ACSF3: variants seen among roughly 807,000 people sequenced by gnomAD.
ACSF3 encodes the protein malonate--CoA ligase ACSF3, mitochondrial.
Under a neutral mutation model 53.2 loss-of-function variants are expected in ACSF3, and 78 were observed. The ratio of observed to expected loss-of-function variants is 1.47; its 90% CI spans 1.22 to 1.77. ACSF3 has a LOEUF of 1.77. Ranked by LOEUF, ACSF3 falls within the 40% of genes most tolerant of loss-of-function variation. The pLI is 0.00. For synonymous variants in ACSF3, 414 were observed against 333.1 expected, an observed-to-expected ratio of 1.24 and a Z score of -2.65; for missense variants, 937 against 771.1, an observed-to-expected ratio of 1.22 and a Z score of -2.55.
chr16:89,129,736 A>G (rs564034533), intron 7 of ACSF3, among the ~76,000 whole-genome samples: 1 of 152,128 alleles, frequency 6.6e-6, no homozygotes, highest in East Asian at 1.9e-4. Flanking sequence ...ATTCCATTTT[A>G]ATTTGTCTCT....
In ACSF3 at chr16:89,100,791, T is replaced by A. The variant is rs549664473; in HGVS notation, c.110T>A (p.Val37Glu). The A allele has an allele frequency of 9.9e-6, 16 of 1,611,944 alleles. No homozygotes were observed. The highest frequency in any genetic ancestry group is 1.4e-5 in the Non-Finnish European group (16 of 1,179,986). ...AGTGGTCTTCTGCACACAGCCCCAG[T>A]GGCCCGCTCGGACAGGAGCGCCCCG... ...RGSGLLHTAP[V>E]ARSDRSAPVF... Residue 37 changes from valine (V) to glutamate (E), a missense_variant, in exon 3 of 11, where the codon GTG becomes GAG. By Grantham distance (121) the Val-to-Glu change is moderately radical. Coordinates refer to ENST00000614302, the MANE Select transcript of ACSF3 (RefSeq NM_001243279.3).
intron 4 of ACSF3, among the ~76,000 whole-genome samples, chr16:89,106,692 C>G (rs1329797193): frequency 6.6e-6 from 1 of 152,234 alleles, no homozygotes; most frequent in Non-Finnish European, 1.5e-5. Flanking sequence ...TTAGGAATTT[C>G]TATGTGTAAA....
chr16:89,146,495 A>T (rs1036349461), intron 10 of ACSF3, among the ~76,000 whole-genome samples: 1 of 152,174 alleles, frequency 6.6e-6, no homozygotes, highest in Non-Finnish European at 1.5e-5. Flanking sequence ...GCTGGGCCCC[A>T]GCAGAACTGC....
At chr16:89,128,703 T>C (rs1002273073) in intron 7 of ACSF3, among the ~76,000 whole-genome samples, 13 of 152,244 alleles carry the variant, frequency 8.5e-5, no homozygotes, top group African/African-American at 2.4e-4. Flanking sequence ...TTTCTGTTAC[T>C]GATTTCTAGT....
At chr16:89,112,533 GTC>G (rs1257744109) in intron 5 of ACSF3, among the ~76,000 whole-genome samples, 3 of 151,460 alleles carry the variant, frequency 2.0e-5, no homozygotes, top group Non-Finnish European at 2.9e-5. Flanking sequence ...GTCTCTCTTT[GTC>G]TCTCTCTCTC....
chr16:89,131,203 G>C (rs967366874), intron 7 of ACSF3, among the ~76,000 whole-genome samples: 1 of 124,742 alleles, frequency 8.0e-6, no homozygotes, highest in African/African-American at 3.0e-5. Flanking sequence ...CTGCAGTCTT[G>C]GTTCACTGCA....
At chr16:89,142,325 C>CA (rs1911928944) in intron 8 of ACSF3, among the ~76,000 whole-genome samples, 1 of 152,284 alleles carries the variant, frequency 6.6e-6, no homozygotes, top group East Asian at 1.9e-4. Flanking sequence ...GAGAGACCCC[C>CA]AAACAAGGCC....
intron 7 of ACSF3, among the ~76,000 whole-genome samples, chr16:89,128,264 CTTTTTTT>C (rs200250831): frequency 7.5e-5 from 11 of 147,488 alleles, no homozygotes; most frequent in Non-Finnish European, 1.3e-4. Context: ...TTTCTTTTTT[CTTTTTTT>C]TTTTTTGAGA....
intron 6 of ACSF3, among the ~76,000 whole-genome samples, chr16:89,116,337 C>T (rs1215203229): frequency 2.6e-5 from 4 of 152,130 alleles, no homozygotes; most frequent in Non-Finnish European, 4.4e-5. Context: ...GTTCCTGGGA[C>T]TCTAGGGTAA....
At chr16:89,130,089 A>G (rs553129522) in intron 7 of ACSF3, among the ~76,000 whole-genome samples, 3 of 152,370 alleles carry the variant, frequency 2.0e-5, no homozygotes, top group South Asian at 4.1e-4. Flanking sequence ...CAATATACCA[A>G]GTCTCCTTCT....
chr16:89,108,634 G>A (rs189817435), intron 4 of ACSF3, among the ~76,000 whole-genome samples: 269 of 152,288 alleles, frequency 1.8e-3, no homozygotes, highest in Non-Finnish European at 2.8e-3. Context: ...CAAATGGGGC[G>A]TGTCACACTC....
At chr16:89,148,351 C>T (rs1043077938) in intron 10 of ACSF3, 6 of 152,132 alleles carry the variant, frequency 3.9e-5, no homozygotes, top group Non-Finnish European at 7.3e-5. Context: ...CCACCTGCCT[C>T]AGATTCCCAA....
intron 10 of ACSF3, chr16:89,153,116 G>C (rs11640513): frequency 0.25 from 38,572 of 152,576 alleles, 5,130 homozygotes; most frequent in Non-Finnish European, 0.3. Context: ...AAGAAACCAC[G>C]ACACTTGGTT....
At chr16:89,114,584 G>A (rs370198064) in intron 6 of ACSF3, 97 bp downstream of exon 6, 104 of 1,560,864 alleles carry the variant, frequency 6.7e-5, no homozygotes, top group South Asian at 4.2e-4. Flanking sequence ...ACTGAAGGGC[G>A]GCATGGAGGA....
intron 10 of ACSF3, among the ~76,000 whole-genome samples, 183 bp downstream of exon 10, chr16:89,146,232 CAGGAG>C (rs1430247884): frequency 2.6e-5 from 4 of 152,118 alleles, no homozygotes; most frequent in Non-Finnish European, 5.9e-5. Context: ...GGGCAGGGGG[CAGGAG>C]CCGTGCTCAG....
chr16:89,097,798 C>G (rs1383650526), intron 1 of ACSF3, among the ~76,000 whole-genome samples: 6 of 152,134 alleles, frequency 3.9e-5, no homozygotes, highest in Admixed American at 2.0e-4. Flanking sequence ...ATGGGTGCCT[C>G]GCGTCAGGAG....
At chr16:89,129,113 G>A (rs12444649) in intron 7 of ACSF3, among the ~76,000 whole-genome samples, 109,040 of 152,066 alleles carry the variant, frequency 0.72, 40,096 homozygotes, top group Non-Finnish European at 0.8. Flanking sequence ...GCCTGACAGA[G>A]CAAGAGTGTG....
intron 8 of ACSF3, among the ~76,000 whole-genome samples, chr16:89,134,796 C>A (rs1196675428): frequency 1.3e-5 from 2 of 152,236 alleles, no homozygotes; most frequent in African/African-American, 2.4e-5. Flanking sequence ...TGCAAGCCCC[C>A]TGCTTAAAGG....
chr16:89,134,198 T>G (rs1598045285), intron 8 of ACSF3, among the ~76,000 whole-genome samples: 1 of 152,166 alleles, frequency 6.6e-6, no homozygotes, highest in Admixed American at 6.5e-5. Flanking sequence ...TCCAAGATGG[T>G]GGCAAGCGTC....
Sources: gnomAD v4.1 joint callset for allele counts (sites outside exome capture counted in the v4.1 genomes callset) on GRCh38, gnomAD v4.1.1 for gene constraint, MANE v1.5 for transcripts, NCBI Gene and HGNC (gene_info 2026-07-23, HGNC 2026-07-21) for gene names.